TMEM132D: variants seen among roughly 807,000 people sequenced by gnomAD.
The protein encoded by TMEM132D is transmembrane protein 132D.
Under a neutral mutation model 62.3 loss-of-function variants are expected in TMEM132D, and 21 were observed. The observed-to-expected ratio is 0.34, with a 90% CI of 0.24 to 0.49. The LOEUF (loss-of-function observed/expected upper bound fraction) is 0.49. Among genes scored for constraint, TMEM132D ranks in the 20% least tolerant of loss-of-function variants. TMEM132D has a pLI of 0.99. For missense variants in TMEM132D, 1,346 were observed against 1,402.8 expected (o/e 0.96, Z 0.65); for synonymous variants, 621 against 575.6 (o/e 1.08, Z -1.13).
At chr12:129,310,893 T>G (rs1881956516) in intron 4 of TMEM132D, among the ~76,000 whole-genome samples, 1 of 152,130 alleles carries the variant, frequency 6.6e-6, no homozygotes, top group Admixed American at 6.5e-5. Flanking sequence ...TTGTGCTTAT[T>G]GAACATGCGA....
At chr12:129,747,994 C>G (rs1869871437) in intron 1 of TMEM132D, among the ~76,000 whole-genome samples, 1 of 152,194 alleles carries the variant, frequency 6.6e-6, no homozygotes, top group East Asian at 1.9e-4. Flanking sequence ...TCTGTTCCCC[C>G]TCATTAGGAT....
intron 3 of TMEM132D, among the ~76,000 whole-genome samples, chr12:129,384,083 T>A (rs552749394): frequency 6.6e-6 from 1 of 152,142 alleles, no homozygotes; most frequent in Non-Finnish European, 1.5e-5. Context: ...ATCTGAGAAA[T>A]GCTCCGAAGG....
chr12:129,678,133 T>C (rs1201375744), intron 2 of TMEM132D, among the ~76,000 whole-genome samples: 1 of 152,060 alleles, frequency 6.6e-6, no homozygotes, highest in Non-Finnish European at 1.5e-5. Flanking sequence ...TCTACGAATA[T>C]TTAAGTATAT....
At chr12:129,738,654 T>C (rs1869504410) in intron 1 of TMEM132D, among the ~76,000 whole-genome samples, 1 of 152,184 alleles carries the variant, frequency 6.6e-6, no homozygotes, top group African/African-American at 2.4e-5. Flanking sequence ...CCAGCTGTCC[T>C]GAATGATTCA....
intron 3 of TMEM132D, among the ~76,000 whole-genome samples, chr12:129,427,701 AG>A (rs1023319774): frequency 2.2e-4 from 33 of 152,278 alleles, no homozygotes; most frequent in African/African-American, 7.5e-4. Context: ...CCTGGAAGAA[AG>A]AAAATCTTGT....
chr12:129,369,570 G>A (rs541342393), intron 3 of TMEM132D, among the ~76,000 whole-genome samples: 60 of 152,320 alleles, frequency 3.9e-4, no homozygotes, highest in Middle Eastern at 3.4e-3. Flanking sequence ...TCTCATCAGC[G>A]GAAGCTGGCT....
chr12:129,457,589 A>T (rs1873516262), intron 3 of TMEM132D, among the ~76,000 whole-genome samples: 1 of 151,914 alleles, frequency 6.6e-6, no homozygotes, highest in Non-Finnish European at 1.5e-5. Context: ...CTTAAAGTAT[A>T]ATAATAATAA....
intron 4 of TMEM132D, among the ~76,000 whole-genome samples, chr12:129,252,190 G>C (rs1880285880): frequency 6.6e-6 from 1 of 152,098 alleles, no homozygotes; most frequent in Non-Finnish European, 1.5e-5. Context: ...AGAAATGCAG[G>C]ATTGTTTAAA....
At chr12:129,122,678 C>T (rs936414964) in intron 5 of TMEM132D, among the ~76,000 whole-genome samples, 4 of 152,268 alleles carry the variant, frequency 2.6e-5, no homozygotes, top group East Asian at 3.9e-4. Flanking sequence ...CTCTGTGCTT[C>T]GTAAGACATG....
At chr12:129,524,940 T>TC (rs1875973149) in intron 3 of TMEM132D, among the ~76,000 whole-genome samples, 1 of 131,336 alleles carries the variant, frequency 7.6e-6, no homozygotes, top group African/African-American at 2.9e-5. Flanking sequence ...TTTTTTTTTT[T>TC]TTTTGAGACG....
chr12:129,731,030 T>C (rs1054184518), intron 1 of TMEM132D, among the ~76,000 whole-genome samples: 2 of 152,128 alleles, frequency 1.3e-5, no homozygotes, highest in Non-Finnish European at 2.9e-5. Context: ...TATATATACA[T>C]CTATCCTATT....
At chr12:129,714,880 A>C (rs1565959427) in intron 1 of TMEM132D, among the ~76,000 whole-genome samples, 1 of 152,176 alleles carries the variant, frequency 6.6e-6, no homozygotes, top group Non-Finnish European at 1.5e-5. Flanking sequence ...CCATTGAGAC[A>C]AAGTCTAGTG....
intron 3 of TMEM132D, among the ~76,000 whole-genome samples, chr12:129,428,533 A>G (rs1377777918): frequency 6.6e-6 from 1 of 152,240 alleles, no homozygotes; most frequent in African/African-American, 2.4e-5. Flanking sequence ...CGTATGCTGG[A>G]GAGATTTCAG....
intron 5 of TMEM132D, among the ~76,000 whole-genome samples, chr12:129,106,423 AAAAT>A (rs1875500892): frequency 6.6e-6 from 1 of 152,056 alleles, no homozygotes; most frequent in African/African-American, 2.4e-5. Flanking sequence ...TAATAATAAT[AAAAT>A]AAAAAATAAA....
chr12:129,577,936 T>C (rs1415864576), intron 2 of TMEM132D, among the ~76,000 whole-genome samples: 2 of 152,186 alleles, frequency 1.3e-5, no homozygotes, highest in Non-Finnish European at 2.9e-5. Context: ...CTGGAGAGAT[T>C]AGCATTTGAA....
At chr12:129,706,205 G>A (rs1166482223) in intron 1 of TMEM132D, among the ~76,000 whole-genome samples, 1 of 151,696 alleles carries the variant, frequency 6.6e-6, no homozygotes, top group Non-Finnish European at 1.5e-5. Flanking sequence ...TGGCTCAAAA[G>A]TTAAAAGAAA....
chr12:129,243,709 C>T (rs78221079), intron 4 of TMEM132D, among the ~76,000 whole-genome samples: 7,521 of 152,158 alleles, frequency 0.049, 398 homozygotes, highest in East Asian at 0.2. Flanking sequence ...CTTGTAAAGG[C>T]GAATTTAATG....
At position 129,224,650 on chromosome 12, in the gene TMEM132D, A is replaced by G. The variant is rs116689317; in HGVS notation, c.1300-14987T>C. 7.5e-3 allele frequency among the ~76,000 whole-genome samples: 1,148 copies of G among 152,238 alleles called. 19 individuals carry two copies. The highest frequency in any genetic ancestry group is 0.025 in the African/African-American group (1,038 of 41,562). On this transcript the variant is annotated intron_variant, in intron 4 of 8. Transcript: ENST00000422113. ...AGGCAGGGCACGGTGGCTCATGCCT[A>G]TAATCCCAGCACTTTGGACGTCGAG...
chr12:129,147,759 G>A (rs1876953658), intron 5 of TMEM132D, among the ~76,000 whole-genome samples: 1 of 152,198 alleles, frequency 6.6e-6, no homozygotes, highest in Admixed American at 6.5e-5. Context: ...GGTGTTGGCT[G>A]CTATGTCCAC....
Sources: gnomAD v4.1 joint callset for allele counts (sites outside exome capture counted in the v4.1 genomes callset) on GRCh38, gnomAD v4.1.1 for gene constraint, MANE v1.5 for transcripts, NCBI Gene and HGNC (gene_info 2026-07-23, HGNC 2026-07-21) for gene names.